Variants in LOC400499 observed in about 807,000 individuals in gnomAD.
chr16:11,434,412 CTAGAG>C, the LOC400499 span, among the ~76,000 whole-genome samples: 1 of 152,064 alleles, frequency 6.6e-6, no homozygotes, highest in African/African-American at 2.4e-5. Context: ...ATTCCAGCTA[CTAGAG>C]AGGCTGAGGG....
chr16:11,466,958 T>C, the LOC400499 span, among the ~76,000 whole-genome samples: 1 of 151,870 alleles, frequency 6.6e-6, no homozygotes, highest in Non-Finnish European at 1.5e-5. Flanking sequence ...CACACACACA[T>C]ATATATATTT....
At chr16:11,485,905 G>A in the LOC400499 span, among the ~76,000 whole-genome samples, 1 of 151,792 alleles carries the variant, frequency 6.6e-6, no homozygotes, top group South Asian at 2.1e-4. Context: ...AGACAGAGAT[G>A]GATGGGAAAT....
the LOC400499 span, among the ~76,000 whole-genome samples, chr16:11,507,896 T>C: frequency 6.6e-6 from 1 of 152,032 alleles, no homozygotes; most frequent in East Asian, 1.9e-4. Context: ...ATTTCACCAC[T>C]ATACTCCAGC....
chr16:11,448,600 G>C, the LOC400499 span, among the ~76,000 whole-genome samples: 1 of 152,134 alleles, frequency 6.6e-6, no homozygotes, highest in African/African-American at 2.4e-5. Context: ...AGTGGCATGT[G>C]CCTATAGTTC....
the LOC400499 span, chr16:11,460,360 A>T: frequency 8.9e-6 from 11 of 1,236,666 alleles, no homozygotes; most frequent in South Asian, 1.6e-4. Context: ...CCATTCCCAT[A>T]TGGCTATGTG....
At chr16:11,500,031 G>C in the LOC400499 span, among the ~76,000 whole-genome samples, 1 of 152,268 alleles carries the variant, frequency 6.6e-6, no homozygotes, top group South Asian at 2.1e-4. Context: ...AGAAATTATT[G>C]ACCTCATCTC....
chr16:11,397,906 G>A, the LOC400499 span, among the ~76,000 whole-genome samples: 5 of 152,086 alleles, frequency 3.3e-5, no homozygotes, highest in Non-Finnish European at 7.4e-5. Context: ...TGGAAGATAG[G>A]AAGGAGGATG....
the LOC400499 span, among the ~76,000 whole-genome samples, chr16:11,483,118 C>T: frequency 2.0e-5 from 3 of 152,088 alleles, no homozygotes; most frequent in Non-Finnish European, 2.9e-5. Context: ...GATACCACAA[C>T]GCATTATTAG....
chr16:11,454,483 A>G, the LOC400499 span, among the ~76,000 whole-genome samples: 86 of 152,260 alleles, frequency 5.6e-4, 1 homozygote, highest in African/African-American at 2.0e-3. Flanking sequence ...ATCTGGACAC[A>G]GACACACACA....
the LOC400499 span, among the ~76,000 whole-genome samples, chr16:11,436,082 CA>C: frequency 6.6e-6 from 1 of 152,202 alleles, no homozygotes; most frequent in Non-Finnish European, 1.5e-5. Flanking sequence ...GCTCCTGGCC[CA>C]GGGGTACAGT....
chr16:11,453,282 T>A, the LOC400499 span, among the ~76,000 whole-genome samples: 2 of 152,276 alleles, frequency 1.3e-5, no homozygotes, highest in South Asian at 4.1e-4. Context: ...TTTAATTAAG[T>A]CCTCAGGCAG....
chr16:11,506,565 T>C, the LOC400499 span, among the ~76,000 whole-genome samples: 366 of 152,264 alleles, frequency 2.4e-3, 2 homozygotes, highest in African/African-American at 8.1e-3. Flanking sequence ...CCTGGAGAAG[T>C]TGGCCCTGCT....
the LOC400499 span, among the ~76,000 whole-genome samples, chr16:11,374,538 A>G: frequency 6.6e-6 from 1 of 152,146 alleles, no homozygotes; most frequent in South Asian, 2.1e-4. Flanking sequence ...GTCTCTATGA[A>G]ACTTATTACT....
the LOC400499 span, among the ~76,000 whole-genome samples, chr16:11,439,936 G>A: frequency 0.54 from 81,797 of 151,560 alleles, 22,441 homozygotes; most frequent in South Asian, 0.63. Flanking sequence ...TTAATCCTCA[G>A]CAGTGCTTTG....
At chr16:11,396,610 G>T in the LOC400499 span, 2 of 1,232,144 alleles carry the variant, frequency 1.6e-6, no homozygotes, top group Non-Finnish European at 2.0e-6. Context: ...CAAGGCCCAG[G>T]TGGCAGCGGG....
At chr16:11,428,007 C>A in the LOC400499 span, among the ~76,000 whole-genome samples, 3 of 152,120 alleles carry the variant, frequency 2.0e-5, no homozygotes, top group Admixed American at 2.0e-4. Context: ...AGAAAGAATT[C>A]AGGGAAAGTC....
At chr16:11,373,226 G>A in the LOC400499 span, among the ~76,000 whole-genome samples, 1 of 152,176 alleles carries the variant, frequency 6.6e-6, no homozygotes, top group Admixed American at 6.5e-5. Flanking sequence ...GGCCCTAGAG[G>A]GACTGCTCTG....
chr16:11,398,258 C>T, the LOC400499 span: 10 of 1,139,030 alleles, frequency 8.8e-6, no homozygotes, highest in Non-Finnish European at 1.1e-5. Flanking sequence ...TCGCTCACAC[C>T]CCTGCATTCT....
At chr16:11,424,697 G>A in the LOC400499 span, among the ~76,000 whole-genome samples, 10 of 152,270 alleles carry the variant, frequency 6.6e-5, no homozygotes, top group South Asian at 8.3e-4. Context: ...TCCTCCCTTC[G>A]CTGCTGCACC....
Sources: gnomAD v4.1 joint callset for allele counts (sites outside exome capture counted in the v4.1 genomes callset) on GRCh38, gnomAD v4.1.1 for gene constraint, MANE v1.5 for transcripts.